LIG1: variants seen among roughly 807,000 people sequenced by gnomAD.
LIG1 encodes DNA ligase 1.
A neutral mutation model predicts 115.7 loss-of-function variants in LIG1; 70 were observed. The ratio of observed to expected loss-of-function variants is 0.60; its 90% CI spans 0.50 to 0.74. LIG1 has a LOEUF of 0.74. Ranked by LOEUF, LIG1 falls within the 30% of genes least tolerant of loss-of-function variation. The pLI, the probability that LIG1 is intolerant of heterozygous loss-of-function variation, is 0.00. For synonymous variants in LIG1, 487 were observed against 495.3 expected, an observed-to-expected ratio of 0.98 and a Z score of 0.22; for missense variants, 1,115 against 1,225.6, an observed-to-expected ratio of 0.91 and a Z score of 1.35.
chr19:48,138,489 G>A (rs904780495), intron 12 of LIG1, among the ~76,000 whole-genome samples: 4 of 152,228 alleles, frequency 2.6e-5, no homozygotes, highest in African/African-American at 7.2e-5. Flanking sequence ...CGCCTGAAGC[G>A]AAACTGCCAC....
At chr19:48,161,622 A>G (rs2036183152) in intron 3 of LIG1, 115 bp from the exon 4 acceptor site, 3 of 1,270,336 alleles carry the variant, frequency 2.4e-6, no homozygotes, top group Admixed American at 3.6e-5. Context: ...TCAAGCATCC[A>G]ATGAACATTT....
chr19:48,152,347 T>C (rs945040567), intron 6 of LIG1, among the ~76,000 whole-genome samples: 5 of 152,188 alleles, frequency 3.3e-5, no homozygotes, highest in Non-Finnish European at 7.3e-5. Flanking sequence ...GGTCTCCAAC[T>C]CCCGACCTCA....
chr19:48,138,620 C>T (rs1450321314), intron 12 of LIG1, among the ~76,000 whole-genome samples: 3 of 152,136 alleles, frequency 2.0e-5, no homozygotes, highest in African/African-American at 4.8e-5. Flanking sequence ...TGGACAGCCA[C>T]GGGGGCCACA....
Position 48,149,754 on chromosome 19 carries a change from C to T in LIG1, c.776+9G>A, listed in dbSNP as rs761348055. ...CGAAGAACCTTTCCAGACCTGGACA[C>T]TGACTCACCCCTCAGCAGCTCCCTC... On this transcript the variant is annotated intron_variant, in intron 9 of 27. Coordinates refer to ENST00000263274, the MANE Select transcript of LIG1 (RefSeq NM_000234.3). 16 of 1,611,798 alleles carry T rather than the reference C, an allele frequency of 9.9e-6. No individual in the cohort carries two copies. Among genetic ancestry groups the T allele is most frequent in the Middle Eastern group, 1.7e-4 (1 of 6,060 alleles).
intron 12 of LIG1, among the ~76,000 whole-genome samples, chr19:48,139,460 A>G (rs2034597894): frequency 6.6e-6 from 1 of 151,510 alleles, no homozygotes; most frequent in African/African-American, 2.4e-5. Flanking sequence ...CCTGCTCACA[A>G]TCCTTCCATG....
chr19:48,156,998 G>T lies in LIG1; in HGVS notation c.370+16C>A. On this transcript the variant is annotated intron_variant, in intron 5 of 27. Transcript: ENST00000263274. ...AAGGCAGGCGACTGAAGGGGCAGGGGCCCGTGTGTTCTCACCTGTGCGACG... is the reference window on the plus strand; with the variant it reads ...AAGGCAGGCGACTGAAGGGGCAGGGTCCCGTGTGTTCTCACCTGTGCGACG... The T allele has an allele frequency of 1.3e-6, 2 of 1,548,324 alleles. No individual in the cohort carries two copies. Among genetic ancestry groups the T allele is most frequent in the Non-Finnish European group, 1.8e-6 (2 of 1,127,522 alleles).
At chr19:48,120,625 G>A in intron 24 of LIG1, 1 of 903,862 alleles carries the variant, frequency 1.1e-6, no homozygotes, top group Non-Finnish European at 1.3e-6. Flanking sequence ...CTAGGGGTGA[G>A]CCATGGAGCA....
intron 18 of LIG1, 126 bp downstream of exon 18, chr19:48,132,856 G>T: frequency 1.4e-6 from 1 of 712,412 alleles, no homozygotes. Context: ...CTGAAGCCCA[G>T]AGAGATGAGC....
intron 24 of LIG1, among the ~76,000 whole-genome samples, 176 bp from the exon 25 acceptor site, chr19:48,119,366 G>A (rs371197217): frequency 2.6e-5 from 4 of 152,114 alleles, no homozygotes; most frequent in East Asian, 3.9e-4. Context: ...AGAGACTCCC[G>A]GGTGGGAATG....
rs779397848 is a variant in LIG1 at position 48,151,245 on chromosome 19, G to A, written c.561C>T (p.Pro187=). 2 of 1,612,706 alleles carry A rather than the reference G, an allele frequency of 1.2e-6. No homozygotes were observed. The highest frequency in any genetic ancestry group is 2.2e-5 in the South Asian group (2 of 91,038). The change falls in exon 7 of 28, where the codon CCC becomes CCT. Residue 187 remains proline (P), a synonymous_variant. Transcript: ENST00000263274. ...DGDQPTTPPK[P]LKTSKAETPT... Reference sequence around the variant, plus strand: ...CCAGAAACTCACTGGAGGTCTTTAGGGGCTTGGGAGGCGTGGTGGGCTGGT... The same window carrying A: ...CCAGAAACTCACTGGAGGTCTTTAGAGGCTTGGGAGGCGTGGTGGGCTGGT...
At chr19:48,143,788 G>T in intron 10 of LIG1, 95 bp downstream of exon 10, 1 of 1,190,590 alleles carries the variant, frequency 8.4e-7, no homozygotes, top group Non-Finnish European at 1.3e-6. Context: ...AGGAGGGAGA[G>T]ACTTGACCAT....
At chr19:48,125,032 G>T (rs940718188) in intron 21 of LIG1, among the ~76,000 whole-genome samples, 3 of 151,678 alleles carry the variant, frequency 2.0e-5, no homozygotes, top group African/African-American at 7.3e-5. Flanking sequence ...AAAAATCATG[G>T]GGATGAGGAC....
intron 1 of LIG1, 83 bp downstream of exon 1, chr19:48,170,158 C>A (rs980980465): frequency 2.2e-6 from 1 of 453,554 alleles, no homozygotes; most frequent in South Asian, 1.6e-5. Flanking sequence ...GCAGACACCC[C>A]GACATGGCGA....
intron 26 of LIG1, among the ~76,000 whole-genome samples, chr19:48,116,872 G>A (rs539475424): frequency 2.0e-5 from 3 of 152,186 alleles, no homozygotes; most frequent in South Asian, 2.1e-4. Context: ...TGGGCATGGT[G>A]GCCCACACCT....
intron 5 of LIG1, among the ~76,000 whole-genome samples, chr19:48,155,440 G>A (rs768629266): frequency 6.6e-5 from 10 of 152,100 alleles, no homozygotes; most frequent in Non-Finnish European, 1.0e-4. Flanking sequence ...CTTCTTGTCT[G>A]AAATGCATGC....
chr19:48,162,433 CT>C (rs781263098), intron 2 of LIG1, 82 bp from the exon 3 acceptor site: 87,646 of 618,582 alleles, frequency 0.14, 8 homozygotes, highest in South Asian at 0.17. Flanking sequence ...CTATAACTTC[CT>C]TTTTTTTTTT....
At chr19:48,144,234 G>A (rs1233197852) in intron 9 of LIG1, among the ~76,000 whole-genome samples, 2 of 152,138 alleles carry the variant, frequency 1.3e-5, no homozygotes, top group Non-Finnish European at 2.9e-5. Context: ...ATGAGATGAG[G>A]GTGCTGCTTC....
At position 48,134,072 on chromosome 19, in the gene LIG1, G is replaced by A. The variant is rs370942958; in HGVS notation, c.1524-6C>T. 1 of 1,554,106 alleles carries A rather than the reference G, an allele frequency of 6.4e-7. No individual in the cohort carries two copies. Among genetic ancestry groups the A allele is most frequent in the Non-Finnish European group, 8.7e-7 (1 of 1,148,086 alleles). On this transcript the variant is annotated splice_region_variant and splice_polypyrimidine_tract_variant and intron_variant, in intron 16 of 27. Transcript: ENST00000263274. ...GGTCCAGGTCGGGAACCTCGCTGGG[G>A]TGGCGGGTGAGAACAAGATAGGGGA...
At chr19:48,126,821 C>A (rs537322183) in intron 21 of LIG1, among the ~76,000 whole-genome samples, 24 of 151,286 alleles carry the variant, frequency 1.6e-4, no homozygotes, top group African/African-American at 5.1e-4. Context: ...TGGGCTCAAG[C>A]GATCCTCCCA....
Sources: allele counts gnomAD v4.1 joint callset (sites outside exome capture counted in the v4.1 genomes callset), GRCh38; gene constraint gnomAD v4.1.1; transcripts MANE v1.5; gene names NCBI Gene and HGNC (gene_info 2026-07-23, HGNC 2026-07-21).